Variants in RBFOX3 observed in about 807,000 individuals in gnomAD.
RBFOX3 encodes RNA binding fox-1 homolog 3.
RBFOX3 carries 17 observed loss-of-function variants against 48.7 expected under a neutral mutation model. The observed-to-expected ratio is 0.35, with a 90% CI of 0.24 to 0.52. RBFOX3 has a LOEUF of 0.52. Among genes scored for constraint, RBFOX3 ranks in the 20% least tolerant of loss-of-function variants. RBFOX3 has a pLI of 0.94. For missense variants in RBFOX3, 382 were observed against 497.5 expected, an observed-to-expected ratio of 0.77 and a Z score of 2.21; for synonymous variants, 212 against 209.5, an observed-to-expected ratio of 1.01 and a Z score of -0.10.
At chr17:79,282,016 A>AG (rs1279695229) in intron 3 of RBFOX3, among the ~76,000 whole-genome samples, 1 of 152,108 alleles carries the variant, frequency 6.6e-6, no homozygotes, top group Non-Finnish European at 1.5e-5. Context: ...GAAAACACTG[A>AG]GGGGGCAGGG....
At chr17:79,373,450 A>G (rs913482940) in intron 2 of RBFOX3, among the ~76,000 whole-genome samples, 3 of 152,168 alleles carry the variant, frequency 2.0e-5, no homozygotes, top group African/African-American at 4.8e-5. Flanking sequence ...ACCAGCCTGA[A>G]CCCATCCTGG....
chr17:79,167,872 T>G (rs1290392596), intron 4 of RBFOX3, among the ~76,000 whole-genome samples: 1 of 152,120 alleles, frequency 6.6e-6, no homozygotes, highest in Non-Finnish European at 1.5e-5. Flanking sequence ...TCCGGGACCC[T>G]CCAGGGGAAG....
intron 2 of RBFOX3, among the ~76,000 whole-genome samples, chr17:79,373,392 G>A (rs1490487055): frequency 2.0e-5 from 3 of 152,208 alleles, no homozygotes; most frequent in African/African-American, 7.2e-5. Flanking sequence ...CTCGGGCTGG[G>A]CGTGGGAGCA....
intron 4 of RBFOX3, among the ~76,000 whole-genome samples, chr17:79,211,358 C>T (rs1188014966): frequency 6.6e-6 from 1 of 152,248 alleles, no homozygotes; most frequent in East Asian, 1.9e-4. Context: ...GCCTCCGGAA[C>T]CATGAGCAGG....
At chr17:79,512,947 G>A (rs1312142934) in intron 1 of RBFOX3, among the ~76,000 whole-genome samples, 4 of 147,282 alleles carry the variant, frequency 2.7e-5, no homozygotes, top group Non-Finnish European at 4.4e-5. Flanking sequence ...ATCGGGTACA[G>A]CCCCATGGCC....
intron 4 of RBFOX3, among the ~76,000 whole-genome samples, chr17:79,143,525 C>A (rs773247643): frequency 6.6e-6 from 1 of 152,190 alleles, no homozygotes; most frequent in Non-Finnish European, 1.5e-5. Flanking sequence ...CCCAGGCTCG[C>A]CACTACCCTG....
intron 1 of RBFOX3, among the ~76,000 whole-genome samples, chr17:79,578,938 AGTTAC>A (rs2092952017): frequency 1.3e-5 from 2 of 152,150 alleles, no homozygotes. Flanking sequence ...TGCCCTGGTT[AGTTAC>A]GTTCTCTAAG....
At position 79,175,380 on chromosome 17, in the gene RBFOX3, C is replaced by G. The variant is rs181888371; in HGVS notation, c.-33-59632G>C. 9.0e-4 allele frequency among the ~76,000 whole-genome samples: 137 copies of G among 152,362 alleles called. 2 individuals carry two copies. Among genetic ancestry groups the G allele is most frequent in the Admixed American group, 1.6e-3 (25 of 15,308 alleles). ...GCAGACTACCCCACCCATCCCATTCCTCTGGAGTCCCTGTCATAACGGCTT... is the reference window on the plus strand; with the variant it reads ...GCAGACTACCCCACCCATCCCATTCGTCTGGAGTCCCTGTCATAACGGCTT... On this transcript the variant is annotated intron_variant, in intron 4 of 14. Transcript: ENST00000693108.
chr17:79,656,895 G>GGAAGGAAGGAAGGAAGGGAGGAA, the RBFOX3 span, among the ~76,000 whole-genome samples: 1 of 116,316 alleles, frequency 8.6e-6, no homozygotes, highest in African/African-American at 3.7e-5. Flanking sequence ...GAAGGAAGGA[G>GGAAGGAAGGAAGGAAGGGAGGAA]GGAAGGAAGG....
intron 4 of RBFOX3, among the ~76,000 whole-genome samples, chr17:79,210,515 C>T (rs751867064): frequency 5.9e-5 from 9 of 152,228 alleles, no homozygotes; most frequent in African/African-American, 1.4e-4. Flanking sequence ...CCCTTTACGG[C>T]GGACAGGTAA....
chr17:79,603,061 G>A (rs2093744149), intron 1 of RBFOX3, among the ~76,000 whole-genome samples: 3 of 148,210 alleles, frequency 2.0e-5, no homozygotes, highest in Admixed American at 6.8e-5. Flanking sequence ...TATGATCTTG[G>A]CTCACTGCAA....
the RBFOX3 span, among the ~76,000 whole-genome samples, chr17:79,637,568 AC>A: frequency 1.3e-5 from 2 of 151,708 alleles, no homozygotes; most frequent in African/African-American, 4.9e-5. Context: ...GGTGGCACAC[AC>A]CTGTAATCCC....
At chr17:79,308,602 C>T (rs1598194481) in intron 2 of RBFOX3, among the ~76,000 whole-genome samples, 1 of 152,152 alleles carries the variant, frequency 6.6e-6, no homozygotes, top group East Asian at 1.9e-4. Context: ...GTTTCTGTTC[C>T]CTCAAAGGCC....
At chr17:79,563,966 C>G (rs893426592) in intron 1 of RBFOX3, among the ~76,000 whole-genome samples, 1 of 152,208 alleles carries the variant, frequency 6.6e-6, no homozygotes, top group African/African-American at 2.4e-5. Context: ...TAAGTGAGCA[C>G]TAACTATGCT....
chr17:79,324,339 C>A (rs1265887860), intron 2 of RBFOX3, among the ~76,000 whole-genome samples: 2 of 152,168 alleles, frequency 1.3e-5, no homozygotes, highest in African/African-American at 4.8e-5. Context: ...TGACATCTGG[C>A]AAATGAGCGT....
At chr17:79,650,254 A>G in the RBFOX3 span, among the ~76,000 whole-genome samples, 1 of 152,130 alleles carries the variant, frequency 6.6e-6, no homozygotes, top group African/African-American at 2.4e-5. Context: ...AACAGATAAG[A>G]AGCAGAAACA....
Position 79,232,738 on chromosome 17 carries a change from T to C in RBFOX3, c.-34+3028A>G, listed in dbSNP as rs115933276. 2.1e-3 allele frequency among the ~76,000 whole-genome samples: 317 copies of C among 152,274 alleles called. 2 individuals are homozygous for C. Among genetic ancestry groups the C allele is most frequent in the African/African-American group, 7.1e-3 (293 of 41,540 alleles). On this transcript the variant is annotated intron_variant, in intron 4 of 14. Coordinates refer to ENST00000693108, the MANE Select transcript of RBFOX3 (RefSeq NM_001350451.2). ...TTACTTTTTAGCAAAGAAGACATAA[T>C]AAATGCCAAATAACCATACGAATAG...
At chr17:79,222,078 G>A (rs564149884) in intron 4 of RBFOX3, among the ~76,000 whole-genome samples, 4 of 152,014 alleles carry the variant, frequency 2.6e-5, no homozygotes, top group African/African-American at 2.4e-5. Context: ...ATTTCTACCC[G>A]TTGCCTGATT....
chr17:79,454,066 G>A (rs781639246), intron 2 of RBFOX3, among the ~76,000 whole-genome samples: 23 of 152,056 alleles, frequency 1.5e-4, no homozygotes, highest in Non-Finnish European at 2.8e-4. Context: ...GCACAGGAGG[G>A]CACCTCTCAG....
Sources: allele counts gnomAD v4.1 joint callset (sites outside exome capture counted in the v4.1 genomes callset), GRCh38; gene constraint gnomAD v4.1.1; transcripts MANE v1.5; gene names NCBI Gene and HGNC (gene_info 2026-07-23, HGNC 2026-07-21).